Variants in FLT1 observed in about 807,000 individuals in gnomAD.
The protein encoded by FLT1 is fms related receptor tyrosine kinase 1.
Under a neutral mutation model 156.3 loss-of-function variants are expected in FLT1, and 49 were observed. That is an observed-to-expected ratio of 0.31 (90% CI 0.25 to 0.40). The LOEUF (loss-of-function observed/expected upper bound fraction) is 0.40, where lower values mean the gene tolerates loss of function less well. Among genes scored for constraint, FLT1 ranks in the 10% least tolerant of loss-of-function variants. FLT1 has a pLI of 1.00. For synonymous variants in FLT1, 594 were observed against 583.8 expected (o/e 1.02, Z -0.25); for missense variants, 1,322 against 1,637.2 (o/e 0.81, Z 3.32).
At chr13:28,311,541 T>TC in intron 27 of FLT1, 49 bp downstream of exon 27, 1 of 1,508,398 alleles carries the variant, frequency 6.6e-7, no homozygotes, top group Non-Finnish European at 9.1e-7. Flanking sequence ...TTTCCTTCTT[T>TC]TTTTTGTTGG....
intron 16 of FLT1, among the ~76,000 whole-genome samples, chr13:28,342,406 T>C (rs1872373594): frequency 6.6e-6 from 1 of 152,134 alleles, no homozygotes; most frequent in Admixed American, 6.5e-5. Flanking sequence ...ATTTGGCAAG[T>C]TTTGCTTCTG....
At chr13:28,433,733 T>C (rs1877843122) in intron 6 of FLT1, 86 bp downstream of exon 6, 2 of 1,323,260 alleles carry the variant, frequency 1.5e-6, no homozygotes, top group Non-Finnish European at 2.2e-6. Context: ...CAGGATTTTC[T>C]GATTTTTCCC....
chr13:28,302,981 C>CTCTA lies in FLT1; in HGVS notation c.*182_*185dup. 1 of 601,078 alleles carries CTCTA rather than the reference C, an allele frequency of 1.7e-6. No individual in the cohort carries two copies. The highest frequency in any genetic ancestry group is 2.9e-6 in the Non-Finnish European group (1 of 340,562). The allele number at this position is 601,078 out of a possible 1,614,324, so 37.2% of individuals were successfully genotyped here. On this transcript the variant is annotated 3_prime_UTR_variant, in exon 30 of 30. Coordinates refer to ENST00000282397, the MANE Select transcript of FLT1 (RefSeq NM_002019.4). Reference sequence around the variant, plus strand: ...TAGTGTTCTTCACTTGTCACTATTTCTCTATCTGGAGTTACATTCTTGTTA... The same window carrying CTCTA: ...TAGTGTTCTTCACTTGTCACTATTTCTCTATCTATCTGGAGTTACATTCTTGTTA...
intron 17 of FLT1, among the ~76,000 whole-genome samples, chr13:28,334,924 CTAACTTGGTGCCTGGTGCTATCTGTTA>C (rs1872060283): frequency 6.6e-6 from 1 of 152,072 alleles, no homozygotes; most frequent in African/African-American, 2.4e-5. Flanking sequence ...TTCCCAGAAC[CTAACTTGGTGCCTGGTGCTATCTGTTA>C]TTACTGAATA....
At position 28,300,548 on chromosome 13, in the gene FLT1, CACACACACAT is replaced by C. The variant is rs1156860262; in HGVS notation, c.*2609_*2618del. 5.2e-5 allele frequency: 12 copies of C among 232,698 alleles called. No individual in the cohort carries two copies. Among genetic ancestry groups the C allele is most frequent in the East Asian group, 4.3e-4 (7 of 16,454 alleles). The allele number at this position is 232,698 out of a possible 1,614,324, so 14.4% of individuals were successfully genotyped here. On this transcript the variant is annotated 3_prime_UTR_variant, in exon 30 of 30. Transcript: ENST00000282397. ...ACACACACACACACACACACACACACACACACACATACAGTTACACCACTGTCGGCCAAAG... is the reference window on the plus strand; with the variant it reads ...ACACACACACACACACACACACACACACAGTTACACCACTGTCGGCCAAAG...
intron 3 of FLT1, among the ~76,000 whole-genome samples, chr13:28,440,847 T>G (rs1878297090): frequency 1.3e-5 from 2 of 152,162 alleles, no homozygotes; most frequent in South Asian, 4.1e-4. Flanking sequence ...TTTCTTATTA[T>G]TATTATGACT....
At chr13:28,469,705 T>C (rs1041874688) in intron 1 of FLT1, among the ~76,000 whole-genome samples, 6 of 152,362 alleles carry the variant, frequency 3.9e-5, no homozygotes, top group African/African-American at 1.2e-4. Context: ...AATTAACATA[T>C]GCTTTTCTGG....
In FLT1 at chr13:28,427,160, T is replaced by G. The variant is rs1267370164; in HGVS notation, c.1435A>C (p.Arg479=). The stretch of plus-strand genomic sequence containing the variant: ...AGTAAAAAAACTGACTGTCCCTACC[T>G]TGCTTCGGAATGATTATGGTTACAG... ...HPCNHNHSEA[R]CDFCSNNEES... The change falls in exon 10 of 30, where the codon AGG becomes CGG. Residue 479 remains arginine (R), a splice_region_variant and synonymous_variant. Transcript: ENST00000282397. The G allele has an allele frequency of 6.2e-7, 1 of 1,613,924 alleles. No individual in the cohort carries two copies. The highest frequency in any genetic ancestry group is 8.5e-7 in the Non-Finnish European group (1 of 1,179,810).
Position 28,302,910 on chromosome 13 carries a change from T to G in FLT1, c.*257A>C. The G allele has an allele frequency of 2.0e-6, 1 of 509,280 alleles. No individual in the cohort carries two copies. The highest frequency in any genetic ancestry group is 3.5e-6 in the Non-Finnish European group (1 of 282,598). 31.5% of individuals were successfully genotyped at this position (509,280 alleles called of 1,614,324 possible). On this transcript the variant is annotated 3_prime_UTR_variant, in exon 30 of 30. Transcript: ENST00000282397. ...GGGTTGGAGCAGGGAAGTCATTGGG[T>G]TTAGGAAGGATTTCTCTAACACTGA... is the stretch of plus-strand genomic sequence containing the variant.
At position 28,358,619 on chromosome 13, in the gene FLT1, G is replaced by A. The variant is rs138203644; in HGVS notation, c.2117-934C>T. 1.7e-3 allele frequency among the ~76,000 whole-genome samples: 253 copies of A among 152,220 alleles called. 1 individual carries two copies. The highest frequency in any genetic ancestry group is 6.8e-3 in the Middle Eastern group (2 of 294). On this transcript the variant is annotated intron_variant, in intron 14 of 29. Transcript: ENST00000282397. ...TGAGTATTTACTCTGCCATCAGTTC[G>A]TGTTACAAAACAAACAGCAGGCTAA...
chr13:28,455,530 A>C (rs1389429116), intron 3 of FLT1, among the ~76,000 whole-genome samples: 1 of 152,218 alleles, frequency 6.6e-6, no homozygotes, highest in Non-Finnish European at 1.5e-5. Context: ...ATGCGAAACT[A>C]TAAAACTCCT....
At chr13:28,352,530 A>G (rs950961599) in intron 15 of FLT1, among the ~76,000 whole-genome samples, 1 of 152,224 alleles carries the variant, frequency 6.6e-6, no homozygotes, top group Non-Finnish European at 1.5e-5. Flanking sequence ...AACTCTCTAC[A>G]AACACCTCAA....
intron 3 of FLT1, among the ~76,000 whole-genome samples, chr13:28,453,466 C>T (rs1443241452): frequency 6.6e-6 from 1 of 152,186 alleles, no homozygotes; most frequent in East Asian, 1.9e-4. Context: ...TGGATACATT[C>T]TCTTGGTAAA....
intron 3 of FLT1, among the ~76,000 whole-genome samples, chr13:28,455,048 G>T (rs1030576458): frequency 6.6e-6 from 1 of 152,094 alleles, no homozygotes; most frequent in African/African-American, 2.4e-5. Flanking sequence ...GGATAAAAAG[G>T]TTCAATATTG....
At chr13:28,405,442 G>A (rs771675366) in intron 11 of FLT1, among the ~76,000 whole-genome samples, 15 of 152,138 alleles carry the variant, frequency 9.9e-5, no homozygotes, top group South Asian at 2.1e-4. Context: ...AAGATTTTAC[G>A]AGCCCTAGGC....
chr13:28,492,587 G>C (rs990878763), intron 1 of FLT1, among the ~76,000 whole-genome samples: 9 of 152,180 alleles, frequency 5.9e-5, no homozygotes, highest in Non-Finnish European at 1.2e-4. Flanking sequence ...CACACACACA[G>C]AATATTAATA....
intron 12 of FLT1, among the ~76,000 whole-genome samples, chr13:28,396,629 C>A (rs1875062109): frequency 6.6e-6 from 1 of 151,994 alleles, no homozygotes; most frequent in Non-Finnish European, 1.5e-5. Flanking sequence ...TAATTGGTTT[C>A]CTTGATTGGT....
chr13:28,304,614 T>G (rs1870661895), intron 29 of FLT1, among the ~76,000 whole-genome samples: 1 of 152,156 alleles, frequency 6.6e-6, no homozygotes, highest in Admixed American at 6.5e-5. Context: ...ACACAAATTG[T>G]GCAACCATCA....
chr13:28,322,161 T>G lies in FLT1; in HGVS notation c.3051+101A>C, dbSNP rs1446966706. 3 of 811,542 alleles carry G rather than the reference T, an allele frequency of 3.7e-6. No homozygotes were observed. Among genetic ancestry groups the G allele is most frequent in the Non-Finnish European group, 6.5e-6 (3 of 462,216 alleles). The allele number at this position is 811,542 out of a possible 1,614,324, so 50.3% of individuals were successfully genotyped here. On this transcript the variant is annotated intron_variant, in intron 22 of 29. Coordinates refer to ENST00000282397, the MANE Select transcript of FLT1 (RefSeq NM_002019.4). The surrounding 1 kb of genome is among the most constrained non-coding windows in gnomAD (Gnocchi z 4.3). ...CTTGCAGTGGTGTTTGTTCTACATT[T>G]AAGAACATAGGTATCAGCAAATACT...
Sources: gnomAD v4.1 joint callset for allele counts (sites outside exome capture counted in the v4.1 genomes callset) on GRCh38, gnomAD v4.1.1 for gene constraint, Gnocchi (gnomAD v3.1) non-coding constraint, MANE v1.5 for transcripts, NCBI Gene and HGNC (gene_info 2026-07-23, HGNC 2026-07-21) for gene names.